COP1: variants seen among roughly 807,000 people sequenced by gnomAD.
The protein encoded by COP1 is E3 ubiquitin-protein ligase COP1.
Under a neutral mutation model 101.3 loss-of-function variants are expected in COP1, and 24 were observed. That is an observed-to-expected ratio of 0.24 (90% confidence interval 0.17 to 0.33). COP1 has a LOEUF of 0.33. COP1 is among the 10% of genes least tolerant of loss of function. The probability of loss-of-function intolerance (pLI) is 1.00; values close to 1 mark genes in which losing one functional copy is unlikely to be tolerated. For missense variants in COP1, 663 were observed against 906.2 expected (o/e 0.73, Z 3.45); for synonymous variants, 347 against 341.9 (o/e 1.01, Z -0.17).
chr1:175,946,691 C>T (rs1649214772), intron 19 of COP1, among the ~76,000 whole-genome samples: 1 of 152,114 alleles, frequency 6.6e-6, no homozygotes, highest in African/African-American at 2.4e-5. Flanking sequence ...TTCAACTGAA[C>T]ACTAAAATAA....
At chr1:176,147,452 T>C (rs1304135172) in intron 6 of COP1, among the ~76,000 whole-genome samples, 1 of 152,180 alleles carries the variant, frequency 6.6e-6, no homozygotes, top group African/African-American at 2.4e-5. Flanking sequence ...ATCACAGATA[T>C]ATCAAAATCA....
intron 15 of COP1, chr1:176,017,695 T>C (rs1452635171): frequency 6.6e-6 from 1 of 152,124 alleles, no homozygotes; most frequent in East Asian, 1.9e-4. Context: ...TGGTTAATTT[T>C]TATATTTTTA....
chr1:176,035,886 CAAATT>C (rs1024870190), intron 14 of COP1, among the ~76,000 whole-genome samples: 17 of 151,946 alleles, frequency 1.1e-4, no homozygotes, highest in African/African-American at 3.9e-4. Context: ...AAACAAATAA[CAAATT>C]AAAAAAGTTA....
rs547680183 is a variant in COP1, at chr1:176,000,729, CTTTTT to C, written c.1730-11255_1730-11251del. Among the ~76,000 whole-genome samples the C allele has an allele frequency of 2.0e-5, 3 of 147,028 alleles. No homozygotes were observed. The East Asian group carries it at 6.0e-4, about 29-fold the overall frequency. ...GGTAGAATTTTTACATGCAATGTTGCTTTTTTTTTTGTTATGTCATTTGCTCTTTT... is the reference window on the plus strand; with the variant it reads ...GGTAGAATTTTTACATGCAATGTTGCTTTTTGTTATGTCATTTGCTCTTTT... On this transcript the variant is annotated intron_variant, in intron 15 of 19. Coordinates refer to ENST00000367669, the MANE Select transcript of COP1 (RefSeq NM_022457.7).
intron 15 of COP1, among the ~76,000 whole-genome samples, chr1:176,023,396 G>A (rs971855597): frequency 1.3e-5 from 2 of 152,170 alleles, no homozygotes; most frequent in African/African-American, 2.4e-5. Context: ...CAATAAATTA[G>A]AAAACTTAGA....
intron 17 of COP1, among the ~76,000 whole-genome samples, chr1:175,987,726 TCA>T (rs1657458029): frequency 6.6e-6 from 1 of 152,206 alleles, no homozygotes; most frequent in Non-Finnish European, 1.5e-5. Flanking sequence ...AAAGGCCAAG[TCA>T]TTTAAAAGTA....
chr1:176,051,562 G>A (rs1672555906), intron 11 of COP1, among the ~76,000 whole-genome samples: 1 of 152,106 alleles, frequency 6.6e-6, no homozygotes, highest in Non-Finnish European at 1.5e-5. Context: ...TTACTTTAGT[G>A]TATATCTTCT....
At chr1:176,056,468 CTT>C (rs1456408219) in intron 11 of COP1, among the ~76,000 whole-genome samples, 3 of 152,050 alleles carry the variant, frequency 2.0e-5, no homozygotes, top group Non-Finnish European at 2.9e-5. Flanking sequence ...TACAATTAGA[CTT>C]AAACTTCAGT....
chr1:176,180,956 T>C (rs938299721), intron 2 of COP1, among the ~76,000 whole-genome samples: 5 of 152,160 alleles, frequency 3.3e-5, no homozygotes, highest in Admixed American at 1.3e-4. Flanking sequence ...AACTAACTTG[T>C]AATGAAGCGA....
At chr1:176,131,803 T>A (rs1457506065) in intron 8 of COP1, among the ~76,000 whole-genome samples, 5 of 151,816 alleles carry the variant, frequency 3.3e-5, no homozygotes, top group Admixed American at 3.3e-4. Flanking sequence ...GCTACATCAT[T>A]TTTCCCAAGT....
At chr1:176,151,288 A>AG (rs907305399) in intron 5 of COP1, among the ~76,000 whole-genome samples, 22 of 149,982 alleles carry the variant, frequency 1.5e-4, no homozygotes, top group Admixed American at 1.3e-4. Context: ...GAAGGAAGGA[A>AG]GGAGAGAAAG....
chr1:176,002,821 G>A (rs1462593838), intron 15 of COP1, among the ~76,000 whole-genome samples: 3 of 150,950 alleles, frequency 2.0e-5, no homozygotes, highest in East Asian at 1.9e-4. Context: ...AAACATACGT[G>A]TGCATGTGTC....
At chr1:176,205,387 T>C (rs546732018) in intron 1 of COP1, among the ~76,000 whole-genome samples, 1 of 152,342 alleles carries the variant, frequency 6.6e-6, no homozygotes, top group South Asian at 2.1e-4. Context: ...ACATCATTTT[T>C]CTGCAGGAAC....
intron 9 of COP1, chr1:176,100,497 T>C (rs931990277): frequency 1.3e-5 from 2 of 152,212 alleles, no homozygotes; most frequent in Admixed American, 1.3e-4. Context: ...AGTGTTTGCC[T>C]ACATTTTAGA....
At chr1:176,010,857 T>TAGA (rs1397311145) in intron 15 of COP1, among the ~76,000 whole-genome samples, 1 of 152,234 alleles carries the variant, frequency 6.6e-6, no homozygotes, top group Non-Finnish European at 1.5e-5. Flanking sequence ...TGACTCTTCA[T>TAGA]AGAAAATCAA....
At chr1:176,089,206 T>A (rs938585529) in intron 9 of COP1, among the ~76,000 whole-genome samples, 2 of 151,482 alleles carry the variant, frequency 1.3e-5, no homozygotes, top group Admixed American at 6.6e-5. Context: ...GGCAGGAGAA[T>A]CACTTGAACC....
intron 1 of COP1, among the ~76,000 whole-genome samples, chr1:176,200,719 G>A (rs527918223): frequency 7.5e-4 from 114 of 151,750 alleles, no homozygotes; most frequent in African/African-American, 2.7e-3. Flanking sequence ...TACTCTCAGT[G>A]AATATATTGT....
At chr1:176,175,115 C>A (rs1447695412) in intron 3 of COP1, among the ~76,000 whole-genome samples, 2 of 152,140 alleles carry the variant, frequency 1.3e-5, no homozygotes, top group African/African-American at 4.8e-5. Context: ...AGTTCAGATT[C>A]TCTTCACCCA....
At chr1:175,963,208 C>T (rs914140274) in intron 18 of COP1, among the ~76,000 whole-genome samples, 1 of 151,990 alleles carries the variant, frequency 6.6e-6, no homozygotes, top group Non-Finnish European at 1.5e-5. Context: ...TCACAGTGGG[C>T]TTTAGGCATT....
Sources: allele counts gnomAD v4.1 joint callset (sites outside exome capture counted in the v4.1 genomes callset), GRCh38; gene constraint gnomAD v4.1.1; transcripts MANE v1.5; gene names NCBI Gene and HGNC (gene_info 2026-07-23, HGNC 2026-07-21).